Variants in CCBE1 observed in about 807,000 individuals in gnomAD.
CCBE1 encodes the protein collagen and calcium-binding EGF domain-containing protein 1.
In CCBE1, 37 loss-of-function variants were observed where a neutral mutation model predicts 50.0. That is an observed-to-expected ratio of 0.74 (90% confidence interval 0.57 to 0.97). The LOEUF is 0.97. Among genes scored for constraint, CCBE1 ranks in the 50% least tolerant of loss-of-function variants. The pLI, the probability that CCBE1 is intolerant of heterozygous loss-of-function variation, is 0.00. For synonymous variants in CCBE1, 234 were observed against 203.7 expected (o/e 1.15, Z -1.27); for missense variants, 538 against 523.8 (o/e 1.03, Z -0.26).
rs529477588 is a variant in CCBE1 at position 59,586,951 on chromosome 18, A to G, written c.213-106713T>C. Among the ~76,000 whole-genome samples the G allele has an allele frequency of 4.9e-4, 75 of 152,340 alleles. 1 individual carries two copies. The South Asian group carries it at 0.013, about 27-fold the overall frequency. On this transcript the variant is annotated intron_variant, in intron 2 of 10. Coordinates refer to ENST00000439986, the MANE Select transcript of CCBE1 (RefSeq NM_133459.4). ...CAAACTTTCCATGAGTCTGGAGATC[A>G]GAAAAAACAGAGGGCAGATATGAAA...
At chr18:59,597,342 C>T (rs546515001) in intron 2 of CCBE1, among the ~76,000 whole-genome samples, 3 of 152,176 alleles carry the variant, frequency 2.0e-5, no homozygotes, top group Non-Finnish European at 4.4e-5. Context: ...CAACGTAATG[C>T]GGAGTCAGGA....
chr18:59,542,412 C>G (rs1026638889), intron 2 of CCBE1, among the ~76,000 whole-genome samples: 6 of 152,000 alleles, frequency 3.9e-5, no homozygotes, highest in African/African-American at 1.5e-4. Flanking sequence ...TTCTGTTTCT[C>G]AAAGCAAAGC....
rs1911116222 is a variant in CCBE1 at position 59,454,951 on chromosome 18, C to T, written c.554G>A (p.Gly185Asp). The change falls in exon 6 of 11, where the codon GGC becomes GAC. Residue 185 changes from glycine (G) to aspartate (D), a missense_variant and splice_region_variant. Transcript: ENST00000439986. ...CACCATGTTCTCAGACTTCTCATGGCCTGAGAAAGGAGATAGGCTCAGTCC... is the reference window on the plus strand; with the variant it reads ...CACCATGTTCTCAGACTTCTCATGGTCTGAGAAAGGAGATAGGCTCAGTCC... ...TRGDKYPNDT[G>D]HEKSENMVKA... The T allele has an allele frequency of 6.2e-7, 1 of 1,612,634 alleles. No individual in the cohort carries two copies.
At chr18:59,477,107 T>C (rs1022129363) in intron 3 of CCBE1, among the ~76,000 whole-genome samples, 13 of 152,236 alleles carry the variant, frequency 8.5e-5, no homozygotes, top group African/African-American at 2.9e-4. Context: ...GGTCTCCTCA[T>C]GCCTCTGCAT....
chr18:59,590,366 T>C (rs565762960), intron 2 of CCBE1, among the ~76,000 whole-genome samples: 162 of 152,346 alleles, frequency 1.1e-3, no homozygotes, highest in South Asian at 2.3e-3. Context: ...TAAAACACTC[T>C]TGAACGGCAA....
At chr18:59,554,696 T>C (rs2052631110) in intron 2 of CCBE1, among the ~76,000 whole-genome samples, 1 of 152,240 alleles carries the variant, frequency 6.6e-6, no homozygotes, top group South Asian at 2.1e-4. Flanking sequence ...GTTCATGGGC[T>C]ACTTGACTCT....
At chr18:59,656,799 A>G (rs2054196528) in intron 2 of CCBE1, among the ~76,000 whole-genome samples, 2 of 152,204 alleles carry the variant, frequency 1.3e-5, no homozygotes, top group South Asian at 2.1e-4. Flanking sequence ...TTACACTAAT[A>G]TGACCACAAC....
intron 2 of CCBE1, among the ~76,000 whole-genome samples, chr18:59,638,844 T>A (rs568149553): frequency 6.6e-6 from 1 of 152,240 alleles, no homozygotes; most frequent in South Asian, 2.1e-4. Flanking sequence ...AGACATGCTT[T>A]TTACAGAAAA....
chr18:59,530,178 G>T (rs982845768), intron 2 of CCBE1, among the ~76,000 whole-genome samples: 6 of 152,092 alleles, frequency 3.9e-5, no homozygotes, highest in African/African-American at 1.4e-4. Context: ...CCTGACTGAG[G>T]CCCACTGGCA....
intron 2 of CCBE1, among the ~76,000 whole-genome samples, chr18:59,658,321 TAAAAAAAA>T (rs1157998930): frequency 0.018 from 116 of 6,422 alleles, 12 homozygotes; most frequent in South Asian, 0.059. Context: ...ACCCTGTCTC[TAAAAAAAA>T]AAAAAAAAAA....
chr18:59,612,618 C>T (rs2053585599), intron 2 of CCBE1, among the ~76,000 whole-genome samples: 1 of 152,172 alleles, frequency 6.6e-6, no homozygotes, highest in South Asian at 2.1e-4. Flanking sequence ...GAAACTGAGA[C>T]TTGGACAGCT....
chr18:59,674,580 G>T (rs527325164), intron 2 of CCBE1, among the ~76,000 whole-genome samples: 2 of 152,068 alleles, frequency 1.3e-5, no homozygotes, highest in Non-Finnish European at 2.9e-5. Flanking sequence ...TAACAAACCT[G>T]CATGTCCCGC....
intron 2 of CCBE1, among the ~76,000 whole-genome samples, chr18:59,491,319 C>A (rs1022288380): frequency 6.6e-6 from 1 of 152,220 alleles, no homozygotes; most frequent in Non-Finnish European, 1.5e-5. Flanking sequence ...ATTGCTCCCC[C>A]ACCTTTTTCC....
At chr18:59,600,746 C>T (rs562180604) in intron 2 of CCBE1, among the ~76,000 whole-genome samples, 2 of 152,314 alleles carry the variant, frequency 1.3e-5, no homozygotes, top group East Asian at 3.9e-4. Context: ...CCACCAACTC[C>T]TCCCTTCTCA....
intron 2 of CCBE1, among the ~76,000 whole-genome samples, chr18:59,556,080 G>A (rs967582171): frequency 1.3e-5 from 2 of 152,182 alleles, no homozygotes; most frequent in Admixed American, 6.5e-5. Flanking sequence ...TCCCATGTCA[G>A]CCTTAACGGG....
intron 2 of CCBE1, among the ~76,000 whole-genome samples, chr18:59,668,959 G>C (rs893630638): frequency 2.6e-5 from 4 of 151,318 alleles, no homozygotes; most frequent in African/African-American, 9.7e-5. Context: ...AGAGTAGCTG[G>C]GATTACTGGG....
chr18:59,548,108 G>T (rs1332295219), intron 2 of CCBE1, among the ~76,000 whole-genome samples: 1 of 152,190 alleles, frequency 6.6e-6, no homozygotes, highest in African/African-American at 2.4e-5. Context: ...GAGTGCTGGA[G>T]AGAGACCAAG....
chr18:59,652,824 C>T (rs1339293216), intron 2 of CCBE1, among the ~76,000 whole-genome samples: 2 of 152,058 alleles, frequency 1.3e-5, no homozygotes, highest in African/African-American at 4.8e-5. Flanking sequence ...ATTAGCCGGG[C>T]GTGGCGGCGG....
At chr18:59,447,954 CA>C in intron 7 of CCBE1, 28 bp downstream of exon 7, 2 of 1,613,758 alleles carry the variant, frequency 1.2e-6, no homozygotes, top group Non-Finnish European at 1.7e-6. Flanking sequence ...TGTTGGTGAT[CA>C]CCCTCCTGTG....
Sources: allele counts gnomAD v4.1 joint callset (sites outside exome capture counted in the v4.1 genomes callset), GRCh38; gene constraint gnomAD v4.1.1; transcripts MANE v1.5; gene names NCBI Gene and HGNC (gene_info 2026-07-23, HGNC 2026-07-21).